CEP85L: variants seen among roughly 807,000 people sequenced by gnomAD.
CEP85L encodes centrosomal protein 85L, also known as centrosomal protein of 85 kDa-like.
A neutral mutation model predicts 100.3 loss-of-function variants in CEP85L; 60 were observed. That is an observed-to-expected ratio of 0.60 (90% CI 0.49 to 0.74). CEP85L has a LOEUF of 0.74. Ranked by LOEUF, CEP85L falls within the 30% of genes least tolerant of loss-of-function variation. The probability of loss-of-function intolerance (pLI) is 0.00; values close to 1 mark genes in which losing one functional copy is unlikely to be tolerated. For missense variants in CEP85L, 973 were observed against 936.2 expected (o/e 1.04, Z -0.51); for synonymous variants, 319 against 322.7 (o/e 0.99, Z 0.12).
At chr6:118,549,083 T>G (rs1239836881) in intron 3 of CEP85L, among the ~76,000 whole-genome samples, 1 of 152,016 alleles carries the variant, frequency 6.6e-6, no homozygotes, top group East Asian at 1.9e-4. Flanking sequence ...TTTAGAAATT[T>G]TAAAACAATG....
chr6:118,520,411 ATT>A (rs1298507770), intron 4 of CEP85L, among the ~76,000 whole-genome samples: 2 of 152,152 alleles, frequency 1.3e-5, no homozygotes, highest in Non-Finnish European at 2.9e-5. Flanking sequence ...GAAAATATGC[ATT>A]TTTTAATCGA....
intron 1 of CEP85L, among the ~76,000 whole-genome samples, chr6:118,668,012 T>C (rs9285430): frequency 0.71 from 107,524 of 152,006 alleles, 38,721 homozygotes; most frequent in Non-Finnish European, 0.75. Context: ...TCCCCAGCCC[T>C]CTCCTCAATT....
rs1780666295 is a variant in CEP85L at position 118,583,130 on chromosome 6, C to A, written c.233-16814G>T. On this transcript the variant is annotated intron_variant, in intron 2 of 12. Transcript: ENST00000368491. ...CGGAGACCACTGGAGATGGATCTGC[C>A]CCCAGAGGCAGAGGTCGCTGGGTTC... Among the ~76,000 whole-genome samples, 3 of 152,284 alleles carry A rather than the reference C, an allele frequency of 2.0e-5. No homozygotes were observed. The South Asian group carries it at 6.2e-4, about 32-fold the overall frequency.
At chr6:118,494,014 A>G (rs1774758833) in intron 5 of CEP85L, among the ~76,000 whole-genome samples, 1 of 152,180 alleles carries the variant, frequency 6.6e-6, no homozygotes. Flanking sequence ...AAATATCAAC[A>G]AGTCTTCTAA....
At chr6:118,607,748 A>G (rs936809696) in intron 2 of CEP85L, among the ~76,000 whole-genome samples, 4 of 152,076 alleles carry the variant, frequency 2.6e-5, no homozygotes, top group African/African-American at 7.2e-5. Flanking sequence ...CTACTTACCC[A>G]AAGTTGTCCA....
At chr6:118,690,459 G>A (rs767192522) in intron 1 of CEP85L, among the ~76,000 whole-genome samples, 13 of 147,318 alleles carry the variant, frequency 8.8e-5, no homozygotes, top group Non-Finnish European at 1.9e-4. Flanking sequence ...TGACATTATG[G>A]TCCCTTCCAC....
intron 7 of CEP85L, among the ~76,000 whole-genome samples, chr6:118,482,807 T>C (rs1168382385): frequency 6.6e-6 from 1 of 152,168 alleles, no homozygotes; most frequent in East Asian, 1.9e-4. Flanking sequence ...GACTTTAATC[T>C]CTCTTAGTTT....
intron 1 of CEP85L, among the ~76,000 whole-genome samples, chr6:118,688,086 G>A (rs536998182): frequency 3.3e-5 from 5 of 152,182 alleles, no homozygotes; most frequent in Middle Eastern, 3.4e-3. Flanking sequence ...GAAGCGGCCC[G>A]TCGCCATCTT....
chr6:118,702,644 A>G (rs1056058655), intron 1 of CEP85L, among the ~76,000 whole-genome samples: 4 of 152,200 alleles, frequency 2.6e-5, no homozygotes, highest in African/African-American at 9.7e-5. Flanking sequence ...ACAAGTTAAC[A>G]TTTTCCAAGT....
intron 1 of CEP85L, among the ~76,000 whole-genome samples, chr6:118,641,068 G>C (rs193074497): frequency 6.4e-4 from 97 of 152,212 alleles, no homozygotes; most frequent in Non-Finnish European, 1.3e-3. Flanking sequence ...AAAATCATCT[G>C]ACAAATACCA....
chr6:118,497,586 T>C (rs980592574), intron 5 of CEP85L, among the ~76,000 whole-genome samples: 3 of 152,192 alleles, frequency 2.0e-5, no homozygotes, highest in Non-Finnish European at 2.9e-5. Context: ...GTGGAGAAAT[T>C]GTCTTCCTCA....
intron 5 of CEP85L, among the ~76,000 whole-genome samples, chr6:118,498,225 G>A (rs967872496): frequency 2.0e-5 from 3 of 152,152 alleles, no homozygotes; most frequent in Non-Finnish European, 2.9e-5. Flanking sequence ...GGAAATGGTT[G>A]GCTCATGCCT....
intron 1 of CEP85L, among the ~76,000 whole-genome samples, chr6:118,665,009 A>G (rs9320663): frequency 0.47 from 71,431 of 152,034 alleles, 17,220 homozygotes; most frequent in Middle Eastern, 0.58. Flanking sequence ...CACATCACAC[A>G]AGCCTGCCTG....
intron 4 of CEP85L, among the ~76,000 whole-genome samples, chr6:118,517,123 C>T (rs111702988): frequency 0.029 from 4,472 of 152,196 alleles, 113 homozygotes; most frequent in African/African-American, 0.056. Context: ...CGTACAAGTA[C>T]CATTCTGTTT....
intron 3 of CEP85L, among the ~76,000 whole-genome samples, chr6:118,556,668 T>A (rs531276936): frequency 6.6e-6 from 1 of 152,226 alleles, no homozygotes; most frequent in South Asian, 2.1e-4. Flanking sequence ...GAAAATAAAA[T>A]CTGACACCTG....
At chr6:118,470,239 G>A (rs1038970450) in intron 11 of CEP85L, among the ~76,000 whole-genome samples, 1 of 152,024 alleles carries the variant, frequency 6.6e-6, no homozygotes, top group Non-Finnish European at 1.5e-5. Flanking sequence ...AATTGGAACT[G>A]TATTTCAGAA....
chr6:118,594,652 A>T (rs1781366596), intron 2 of CEP85L, among the ~76,000 whole-genome samples: 1 of 152,042 alleles, frequency 6.6e-6, no homozygotes, highest in African/African-American at 2.4e-5. Context: ...GTGGATCACG[A>T]GGTCAGGAGA....
intron 3 of CEP85L, among the ~76,000 whole-genome samples, chr6:118,561,082 C>T (rs939881579): frequency 6.6e-6 from 1 of 152,092 alleles, no homozygotes; most frequent in African/African-American, 2.4e-5. Context: ...TTTCTGAACC[C>T]ATGAGAGATA....
At chr6:118,537,588 T>C (rs748400001) in intron 3 of CEP85L, 5 of 985,140 alleles carry the variant, frequency 5.1e-6, no homozygotes, top group Non-Finnish European at 6.0e-6. Context: ...TCTACAACAA[T>C]CCCAAACACA....
Sources: gnomAD v4.1 joint callset for allele counts (sites outside exome capture counted in the v4.1 genomes callset) on GRCh38, gnomAD v4.1.1 for gene constraint, MANE v1.5 for transcripts, NCBI Gene and HGNC (gene_info 2026-07-23, HGNC 2026-07-21) for gene names.